The following HIC2 variants were observed in gnomAD, a reference collection of about 807,000 sequenced individuals.
HIC2 encodes hypermethylated in cancer 2 protein.
A neutral mutation model predicts 39.5 loss-of-function variants in HIC2; 2 were observed. The ratio of observed to expected loss-of-function variants is 0.05; its 90% CI spans 0.02 to 0.16. HIC2 has a LOEUF of 0.16. HIC2 is among the 10% of genes least tolerant of loss of function. The pLI, the probability that HIC2 is intolerant of heterozygous loss-of-function variation, is 1.00. For synonymous variants in HIC2, 399 were observed against 368.8 expected (o/e 1.08, Z -0.94); for missense variants, 713 against 863.5 (o/e 0.83, Z 2.18).
Position 21,445,850 on chromosome 22 carries a change from C to G in HIC2, c.955C>G (p.Leu319Val), listed in dbSNP as rs909019079. Residue 319 changes from leucine to valine, a missense_variant, in exon 3 of 3, where the codon CTG (leucine) becomes GTG (valine). Coordinates refer to ENST00000407464, the MANE Select transcript of HIC2 (RefSeq NM_015094.3). ...EGAEDNHLSL[L>V]EAPGGQPRKS... Reference sequence around the variant, plus strand: ...GGCCGAGGACAACCACCTGAGCCTGCTGGAGGCGCCTGGTGGGCAGCCTCG... The same window carrying G: ...GGCCGAGGACAACCACCTGAGCCTGGTGGAGGCGCCTGGTGGGCAGCCTCG... 2.6e-5 allele frequency: 42 copies of G among 1,590,518 alleles called. No individual in the cohort carries two copies. Among genetic ancestry groups the G allele is most frequent in the Non-Finnish European group, 3.5e-5 (41 of 1,169,308 alleles).
chr22:21,445,112 T>A lies in HIC2; in HGVS notation c.217T>A (p.Ser73Thr). 1 of 1,614,110 alleles carries A rather than the reference T, an allele frequency of 6.2e-7. No individual in the cohort carries two copies. The highest frequency in any genetic ancestry group is 8.5e-7 in the Non-Finnish European group (1 of 1,180,010). Residue 73 changes from serine to threonine, a missense_variant, in exon 3 of 3, where the codon TCC becomes ACC. Physicochemically the swap from Ser to Thr is moderately conservative, Grantham distance 58 (BLOSUM62 1). Coordinates refer to ENST00000407464, the MANE Select transcript of HIC2 (RefSeq NM_015094.3). ...VLAASSIYFK[S>T]LVLHDNLINL... Reference sequence around the variant, plus strand: ...AGCCGCCAGCAGCATCTATTTCAAGTCCCTGGTCCTGCACGACAACCTCAT... The same window carrying A: ...AGCCGCCAGCAGCATCTATTTCAAGACCCTGGTCCTGCACGACAACCTCAT...
At chr22:21,417,648 T>TGGACGCGCGCGCGCCCGGGCGACGTG in intron 1 of HIC2, 88 bp downstream of exon 1, 2 of 142,602 alleles carry the variant, frequency 1.4e-5, no homozygotes, top group Non-Finnish European at 3.1e-5. Flanking sequence ...GAGAGGGGCG[T>TGGACGCGCGCGCGCCCGGGCGACGTG]GGACGCGCGC....
In HIC2 at chr22:21,445,120, C is replaced by T. The variant is rs1358300750; in HGVS notation, c.225C>T (p.Val75=). 6.2e-7 allele frequency: 1 copy of T among 1,614,220 alleles called. No individual in the cohort carries two copies. The highest frequency in any genetic ancestry group is 8.5e-7 in the Non-Finnish European group (1 of 1,180,042). ...GCAGCATCTATTTCAAGTCCCTGGT[C>T]CTGCACGACAACCTCATCAACCTGG... The part of the protein sequence containing the change: ...AASSIYFKSL[V]LHDNLINLDT... Residue 75 remains valine (V), a synonymous_variant, in exon 3 of 3, where the codon GTC becomes GTT. Transcript: ENST00000407464.
Position 21,445,335 on chromosome 22 carries a change from G to C in HIC2, c.440G>C (p.Gly147Ala). 1 of 1,589,598 alleles carries C rather than the reference G, an allele frequency of 6.3e-7. No homozygotes were observed. The highest frequency in any genetic ancestry group is 8.6e-7 in the Non-Finnish European group (1 of 1,167,750). The part of the protein sequence containing the change: ...RKLKRAGKPF[G>A]SGRAGSTGMG... ...CTCAAGCGAGCCGGCAAGCCCTTTGGCTCTGGGAGGGCGGGGTCCACTGGC... is the reference window on the plus strand; with the variant it reads ...CTCAAGCGAGCCGGCAAGCCCTTTGCCTCTGGGAGGGCGGGGTCCACTGGC... The change falls in exon 3 of 3, where the codon GGC becomes GCC. Residue 147 changes from glycine to alanine, a missense_variant. Physicochemically the swap from Gly to Ala is moderately conservative, Grantham distance 60. Transcript: ENST00000407464.
chr22:21,451,164 T>C lies in HIC2; in HGVS notation c.*4421T>C, dbSNP rs1274309094. On this transcript the variant is annotated 3_prime_UTR_variant, in exon 3 of 3. Transcript: ENST00000407464. Reference sequence around the variant, plus strand: ...GGGGAGGGATGGGGTTATAGCTGTTTTGTTTAATTGGAACTGGAAGAGGGA... The same window carrying C: ...GGGGAGGGATGGGGTTATAGCTGTTCTGTTTAATTGGAACTGGAAGAGGGA... 6.5e-6 allele frequency: 1 copy of C among 152,694 alleles called. No homozygotes were observed. The highest frequency in any genetic ancestry group is 2.4e-5 in the African/African-American group (1 of 41,528). The allele number at this position is 152,694 out of a possible 1,614,324, so 9.5% of individuals were successfully genotyped here.
rs1923733372 is a variant in HIC2 at position 21,445,281 on chromosome 22, C to A, written c.386C>A (p.Pro129His). The A allele has an allele frequency of 6.2e-7, 1 of 1,611,050 alleles. No individual in the cohort carries two copies. Among genetic ancestry groups the A allele is most frequent in the Non-Finnish European group, 8.5e-7 (1 of 1,179,296 alleles). The change falls in exon 3 of 3, where the codon CCC (proline) becomes CAC (histidine). Residue 129 changes from proline to histidine, a missense_variant. Around this residue, in one of 5 missense-constraint regions of HIC2, gnomAD observed 102 missense variants for 187.1 expected, o/e 0.55. Coordinates refer to ENST00000407464, the MANE Select transcript of HIC2 (RefSeq NM_015094.3). ...ACTGCCGCCAGCTACCTCCAGCTGC[C>A]CGAGTTGGCAGCCCTCTGCCGCCGC... ...LLTAASYLQLPELAALCRRKL... is the reference protein window; with the variant it reads ...LLTAASYLQLHELAALCRRKL...
In HIC2 at chr22:21,445,590, G is replaced by GCAGCAC; in HGVS notation, c.698_703dup (p.Ser233_Thr234dup). On this transcript the variant is annotated inframe_insertion, in exon 3 of 3. Transcript: ENST00000407464. ...GAGGCGGGTCTGGGGGGCTGCAGCA[G>GCAGCAC]CAGCACCAACGGGAGCAGCGGGGGC... is the stretch of plus-strand genomic sequence containing the variant. 1 of 1,584,532 alleles carries GCAGCAC rather than the reference G, an allele frequency of 6.3e-7. No homozygotes were observed. The highest frequency in any genetic ancestry group is 8.6e-7 in the Non-Finnish European group (1 of 1,167,350).
At position 21,445,567 on chromosome 22, in the gene HIC2, G is replaced by C; in HGVS notation, c.672G>C (p.Glu224Asp). The C allele has an allele frequency of 6.3e-7, 1 of 1,593,814 alleles. No homozygotes were observed. The highest frequency in any genetic ancestry group is 1.1e-5 in the South Asian group (1 of 88,666). Residue 224 changes from glutamate (E) to aspartate (D), a missense_variant, in exon 3 of 3, where the codon GAG becomes GAC. Transcript: ENST00000407464. ...GGGCTGTCTGCCCAGCTGGCGGGGAGGCGGGTCTGGGGGGCTGCAGCAGCA... is the reference window on the plus strand; with the variant it reads ...GGGCTGTCTGCCCAGCTGGCGGGGACGCGGGTCTGGGGGGCTGCAGCAGCA... Reference protein sequence around the residue: ...LGRAVCPAGGEAGLGGCSSST... With the variant: ...LGRAVCPAGGDAGLGGCSSST...
intron 2 of HIC2, among the ~76,000 whole-genome samples, chr22:21,444,245 G>A (rs576510102): frequency 1.4e-4 from 22 of 152,348 alleles, no homozygotes; most frequent in Non-Finnish European, 2.6e-4. Flanking sequence ...GAGGGTTCAG[G>A]TGGTGCCAGG....
rs1924057947 is a variant in HIC2 at position 21,449,672 on chromosome 22, G to C, written c.*2929G>C. ...CTCACGGGCAGAGAAGGGTAGCCCT[G>C]GGGCTGGGGGAGGGATTGGAAGCCT... On this transcript the variant is annotated 3_prime_UTR_variant, in exon 3 of 3. Transcript: ENST00000407464. 1 of 152,712 alleles carries C rather than the reference G, an allele frequency of 6.5e-6. No homozygotes were observed. Among genetic ancestry groups the C allele is most frequent in the Non-Finnish European group, 1.5e-5 (1 of 68,058 alleles). 9.5% of individuals were successfully genotyped at this position (152,712 alleles called of 1,614,324 possible).
At position 21,450,237 on chromosome 22, in the gene HIC2, A is replaced by G. The variant is rs1208684086; in HGVS notation, c.*3494A>G. On this transcript the variant is annotated 3_prime_UTR_variant, in exon 3 of 3. Transcript: ENST00000407464. ...GGCTCCTCCAGGATTGCAAAAAAAA[A>G]AGGAAGAGAAAAGATGAACCTTTAA... 1 of 152,710 alleles carries G rather than the reference A, an allele frequency of 6.5e-6. No homozygotes were observed. Among genetic ancestry groups the G allele is most frequent in the African/African-American group, 2.4e-5 (1 of 41,442 alleles). The allele number at this position is 152,710 out of a possible 1,614,324, so 9.5% of individuals were successfully genotyped here.
Position 21,450,588 on chromosome 22 carries a change from G to A in HIC2, c.*3845G>A, listed in dbSNP as rs1373563163. 6.5e-6 allele frequency: 1 copy of A among 152,896 alleles called. No homozygotes were observed. The highest frequency in any genetic ancestry group is 1.5e-5 in the Non-Finnish European group (1 of 68,152). 9.5% of individuals were successfully genotyped at this position (152,896 alleles called of 1,614,324 possible). On this transcript the variant is annotated 3_prime_UTR_variant, in exon 3 of 3. Transcript: ENST00000407464. ...GGAGGCTGCATCCGTCCACCCCCAG[G>A]CGTGGGGGACAAAAGCCAAAGGTGC...
rs467181 is a variant in HIC2 at position 21,445,753 on chromosome 22, T to C, written c.858T>C (p.Ala286=). 1,585,004 of 1,611,268 alleles carry C rather than the reference T, an allele frequency of 0.98. 780,748 individuals carry two copies. Among genetic ancestry groups the C allele is most frequent in the African/African-American group, 1 (74,940 of 75,062 alleles). ...ATGGCTCGCCCCCTGCGGCCTCTGC[T>C]CCTCCCGTTGCCAACAGTGCCTCTT... ...SQHGSPPAAS[A]PPVANSASYS... Residue 286 remains alanine (A), a synonymous_variant, in exon 3 of 3, where the codon GCT becomes GCC. Transcript: ENST00000407464.
Position 21,445,460 on chromosome 22 carries a change from C to A in HIC2, c.565C>A (p.Gln189Lys), listed in dbSNP as rs749980033. The A allele has an allele frequency of 6.5e-7, 1 of 1,542,444 alleles. No individual in the cohort carries two copies. Among genetic ancestry groups the A allele is most frequent in the East Asian group, 2.3e-5 (1 of 44,310 alleles). ...TGGGCGCAAGGGGGCCCACGCCCCC[C>A]AGGAGCTCCCCCAAGCCAAAGGCTC... is the stretch of plus-strand genomic sequence containing the variant. Reference protein sequence around the residue: ...VDGRKGAHAPQELPQAKGSDD... With the variant: ...VDGRKGAHAPKELPQAKGSDD... The change falls in exon 3 of 3, where the codon CAG (glutamine) becomes AAG (lysine). Residue 189 changes from glutamine to lysine, a missense_variant. Transcript: ENST00000407464.
chr22:21,432,099 G>A (rs1923335467), intron 1 of HIC2, among the ~76,000 whole-genome samples: 1 of 123,382 alleles, frequency 8.1e-6, no homozygotes, highest in Non-Finnish European at 1.7e-5. Context: ...GCACTGGGGG[G>A]TTTGTGTGTT....
chr22:21,446,421 T>C lies in HIC2; in HGVS notation c.1526T>C (p.Val509Ala). The change falls in exon 3 of 3, where the codon GTC becomes GCC. Residue 509 changes from valine to alanine, a missense_variant. Coordinates refer to ENST00000407464, the MANE Select transcript of HIC2 (RefSeq NM_015094.3). Reference sequence around the variant, plus strand: ...GAGCCCCGGCCCTTCAAGTGTTCGGTCTGCGAGAAGACCTACAAGGACCCA... The same window carrying C: ...GAGCCCCGGCCCTTCAAGTGTTCGGCCTGCGAGAAGACCTACAAGGACCCA... ...TAEPRPFKCS[V>A]CEKTYKDPAT... is the part of the protein sequence containing the mutation. 1.2e-6 allele frequency: 2 copies of C among 1,611,944 alleles called. No individual in the cohort carries two copies. Among genetic ancestry groups the C allele is most frequent in the Non-Finnish European group, 1.7e-6 (2 of 1,180,010 alleles).
chr22:21,442,682 T>TGGGAAG, intron 1 of HIC2, 77 bp from the exon 2 acceptor site: 2 of 417,964 alleles, frequency 4.8e-6, no homozygotes, highest in Non-Finnish European at 8.0e-6. Context: ...GACCCCCAGG[T>TGGGAAG]GCGTCCCTTC....
In HIC2 at chr22:21,450,643, C is replaced by T. The variant is rs1317042453; in HGVS notation, c.*3900C>T. 1.3e-5 allele frequency: 2 copies of T among 152,834 alleles called. No individual in the cohort carries two copies. Among genetic ancestry groups the T allele is most frequent in the Non-Finnish European group, 2.9e-5 (2 of 68,090 alleles). The allele number at this position is 152,834 out of a possible 1,614,324, so 9.5% of individuals were successfully genotyped here. A position where few individuals can be genotyped will look rare whatever the true frequency, so the allele number is the denominator to read the frequency against. On this transcript the variant is annotated 3_prime_UTR_variant, in exon 3 of 3. Transcript: ENST00000407464. The stretch of plus-strand genomic sequence containing the variant: ...CCTTAGAGCAGACAAGGGCTCTCAG[C>T]CCTGGCATGCCCCCTAAAGGGACCA...
rs1163824770 is a variant in HIC2, at chr22:21,450,511, A to G, written c.*3768A>G. The stretch of plus-strand genomic sequence containing the variant: ...GCTGACCCCCTGCCCTCCTGCGGCC[A>G]TCCTGAGTTGGGGTGAGGCCTGGGC... On this transcript the variant is annotated 3_prime_UTR_variant, in exon 3 of 3. Transcript: ENST00000407464. 1 of 152,860 alleles carries G rather than the reference A, an allele frequency of 6.5e-6. No individual in the cohort carries two copies. Among genetic ancestry groups the G allele is most frequent in the African/African-American group, 2.4e-5 (1 of 41,464 alleles). The allele number at this position is 152,860 out of a possible 1,614,324, so 9.5% of individuals were successfully genotyped here.
Sources: allele counts gnomAD v4.1 joint callset (sites outside exome capture counted in the v4.1 genomes callset), GRCh38; gene constraint gnomAD v4.1.1; regional missense constraint gnomAD v4.1.1; transcripts MANE v1.5; gene names NCBI Gene and HGNC (gene_info 2026-07-23, HGNC 2026-07-21).